FHIT: variants seen among roughly 807,000 people sequenced by gnomAD.
FHIT encodes bis(5'-adenosyl)-triphosphatase.
A neutral mutation model predicts 17.9 loss-of-function variants in FHIT; 19 were observed. That is an observed-to-expected ratio of 1.06 (90% CI 0.74 to 1.56). The LOEUF is 1.56. Ranked by LOEUF, FHIT falls within the 40% of genes most tolerant of loss-of-function variation. The pLI, the probability that FHIT is intolerant of heterozygous loss-of-function variation, is 0.00. For missense variants in FHIT, 248 were observed against 189.2 expected (o/e 1.31, Z -1.82); for synonymous variants, 81 against 69.7 (o/e 1.16, Z -0.81).
intron 5 of FHIT, among the ~76,000 whole-genome samples, chr3:60,049,672 C>A (rs1701794261): frequency 6.6e-6 from 1 of 152,060 alleles, no homozygotes; most frequent in South Asian, 2.1e-4. Flanking sequence ...TTAACATGAT[C>A]ACCTAATTCT....
At chr3:59,771,321 A>G (rs892094799) in intron 8 of FHIT, among the ~76,000 whole-genome samples, 1 of 152,218 alleles carries the variant, frequency 6.6e-6, no homozygotes, top group Non-Finnish European at 1.5e-5. Context: ...AATGAGAATC[A>G]TTCTGGGGAA....
intron 5 of FHIT, among the ~76,000 whole-genome samples, chr3:60,490,671 C>CAAAA (rs377411602): frequency 0.016 from 1,962 of 125,090 alleles, 42 homozygotes; most frequent in East Asian, 0.1. Flanking sequence ...TGATTTGTAC[C>CAAAA]AAAAAAAAAA....
intron 3 of FHIT, among the ~76,000 whole-genome samples, chr3:60,844,261 A>G (rs775327498): frequency 6.6e-6 from 1 of 152,154 alleles, no homozygotes; most frequent in Non-Finnish European, 1.5e-5. Flanking sequence ...TGAAAAGCAG[A>G]AGTAGTAAGT....
intron 5 of FHIT, among the ~76,000 whole-genome samples, chr3:60,414,765 T>C (rs1559894266): frequency 6.6e-6 from 1 of 152,212 alleles, no homozygotes; most frequent in Non-Finnish European, 1.5e-5. Context: ...AAGGCATTTC[T>C]GTTAATAGTA....
intron 2 of FHIT, among the ~76,000 whole-genome samples, chr3:61,173,536 A>C (rs1176427188): frequency 6.6e-6 from 1 of 152,210 alleles, no homozygotes; most frequent in East Asian, 1.9e-4. Context: ...TATTTCACAG[A>C]ATATACATAT....
chr3:61,067,785 A>C (rs13093215), intron 2 of FHIT, among the ~76,000 whole-genome samples: 85,002 of 152,024 alleles, frequency 0.56, 24,731 homozygotes, highest in Non-Finnish European at 0.64. Context: ...CCAGTCTTTT[A>C]TTTGGTATCT....
intron 2 of FHIT, among the ~76,000 whole-genome samples, chr3:61,044,125 G>C (rs1296435062): frequency 4.6e-5 from 7 of 152,328 alleles, no homozygotes; most frequent in South Asian, 2.1e-4. Flanking sequence ...AAGCTGGATG[G>C]AGAATGAATT....
intron 7 of FHIT, among the ~76,000 whole-genome samples, chr3:59,998,958 G>T: frequency 6.6e-6 from 1 of 151,968 alleles, no homozygotes; most frequent in East Asian, 1.9e-4. Flanking sequence ...GCCTCCCTCC[G>T]GCACTTTATT....
At chr3:61,112,160 T>C (rs1362314720) in intron 2 of FHIT, among the ~76,000 whole-genome samples, 1 of 152,216 alleles carries the variant, frequency 6.6e-6, no homozygotes, top group East Asian at 1.9e-4. Context: ...TATTATGCAG[T>C]ACATTCATGT....
intron 4 of FHIT, among the ~76,000 whole-genome samples, chr3:60,592,540 T>A (rs529306904): frequency 1.3e-5 from 2 of 152,072 alleles, no homozygotes; most frequent in African/African-American, 4.8e-5. Context: ...ACCTCTGTGA[T>A]GGTTCTTATT....
chr3:60,595,627 A>ATG (rs57734772), intron 4 of FHIT, among the ~76,000 whole-genome samples: 36,740 of 150,226 alleles, frequency 0.24, 5,052 homozygotes, highest in East Asian at 0.6. Flanking sequence ...GTATGTATAT[A>ATG]TGTGTGTGTG....
intron 3 of FHIT, among the ~76,000 whole-genome samples, chr3:60,861,165 CATATG>C (rs1397723497): frequency 4.4e-5 from 1 of 22,944 alleles, no homozygotes; most frequent in African/African-American, 2.3e-4. Context: ...ACATATATAT[CATATG>C]TTCTATGATA....
chr3:61,009,644 G>A (rs902347924), intron 3 of FHIT, among the ~76,000 whole-genome samples: 2 of 152,018 alleles, frequency 1.3e-5, no homozygotes, highest in African/African-American at 4.8e-5. Flanking sequence ...CACTACCAAG[G>A]ACTCCTTTTA....
At chr3:60,708,222 G>A (rs1312372576) in intron 4 of FHIT, among the ~76,000 whole-genome samples, 1 of 152,184 alleles carries the variant, frequency 6.6e-6, no homozygotes, top group East Asian at 1.9e-4. Flanking sequence ...CTAGGAGAAA[G>A]ATCTGTGGTG....
intron 4 of FHIT, among the ~76,000 whole-genome samples, chr3:60,608,926 C>T (rs1318240936): frequency 6.6e-6 from 1 of 151,204 alleles, no homozygotes; most frequent in Non-Finnish European, 1.5e-5. Flanking sequence ...AAAACGGTGG[C>T]AGAGTTTCCC....
chr3:60,253,255 A>C (rs1335480144), intron 5 of FHIT, among the ~76,000 whole-genome samples: 1 of 152,222 alleles, frequency 6.6e-6, no homozygotes, highest in Non-Finnish European at 1.5e-5. Flanking sequence ...ATCACCAATT[A>C]ATGTCAGAAA....
intron 5 of FHIT, among the ~76,000 whole-genome samples, chr3:60,455,037 C>A (rs1166743105): frequency 6.6e-6 from 1 of 151,838 alleles, no homozygotes; most frequent in South Asian, 2.1e-4. Flanking sequence ...AGTATGAGTA[C>A]CTTGAGAATA....
chr3:59,890,048 C>G (rs561933700), intron 8 of FHIT, among the ~76,000 whole-genome samples: 60 of 152,256 alleles, frequency 3.9e-4, no homozygotes, highest in African/African-American at 1.4e-3. Flanking sequence ...CTAAGCAGTG[C>G]TCAAAATATC....
intron 2 of FHIT, among the ~76,000 whole-genome samples, chr3:61,046,168 A>C (rs1051877292): frequency 2.0e-5 from 3 of 152,178 alleles, no homozygotes; most frequent in Admixed American, 2.0e-4. Flanking sequence ...ATAGAGACGC[A>C]AAAAACCCTT....
Sources: gnomAD v4.1 joint callset for allele counts (sites outside exome capture counted in the v4.1 genomes callset) on GRCh38, gnomAD v4.1.1 for gene constraint, MANE v1.5 for transcripts, NCBI Gene and HGNC (gene_info 2026-07-23, HGNC 2026-07-21) for gene names.